MAGI2: variants seen among roughly 807,000 people sequenced by gnomAD.
MAGI2 encodes the protein membrane associated guanylate kinase, WW and PDZ domain containing 2.
In MAGI2, 35 loss-of-function variants were observed where a neutral mutation model predicts 133.3. The observed-to-expected ratio is 0.26, with a 90% CI of 0.20 to 0.35. The LOEUF (loss-of-function observed/expected upper bound fraction) is 0.35, where lower values mean the gene tolerates loss of function less well. Ranked by LOEUF, MAGI2 falls within the 10% of genes least tolerant of loss-of-function variation. The pLI is 1.00. For synonymous variants in MAGI2, 729 were observed against 710.6 expected, an observed-to-expected ratio of 1.03 and a Z score of -0.41; for missense variants, 1,636 against 1,863.4, an observed-to-expected ratio of 0.88 and a Z score of 2.25.
intron 6 of MAGI2, among the ~76,000 whole-genome samples, chr7:78,457,228 A>C (rs1789414409): frequency 6.6e-6 from 1 of 152,242 alleles, no homozygotes; most frequent in African/African-American, 2.4e-5. Flanking sequence ...TCACAGTGTC[A>C]AACTCAATCC....
intron 1 of MAGI2, among the ~76,000 whole-genome samples, chr7:79,237,258 G>A (rs1832001830): frequency 6.6e-6 from 1 of 152,186 alleles, no homozygotes; most frequent in Non-Finnish European, 1.5e-5. Context: ...CACTTTGGGA[G>A]GCCGAGGCGG....
chr7:79,203,161 G>T (rs959216488), intron 1 of MAGI2, among the ~76,000 whole-genome samples: 1 of 151,922 alleles, frequency 6.6e-6, no homozygotes, highest in Non-Finnish European at 1.5e-5. Context: ...CCTCTCCAGT[G>T]ATACTAACAC....
At chr7:78,387,753 C>T (rs1224082868) in intron 6 of MAGI2, among the ~76,000 whole-genome samples, 1 of 151,978 alleles carries the variant, frequency 6.6e-6, no homozygotes, top group Admixed American at 6.6e-5. Context: ...ATGGTGAAAC[C>T]CCATCTCTAT....
At chr7:78,666,799 G>C (rs774489767) in intron 2 of MAGI2, among the ~76,000 whole-genome samples, 1 of 152,160 alleles carries the variant, frequency 6.6e-6, no homozygotes. Flanking sequence ...CAAAGGTAGC[G>C]AATGCTTTGC....
intron 2 of MAGI2, among the ~76,000 whole-genome samples, chr7:78,919,065 G>T (rs6948798): frequency 0.12 from 18,637 of 152,076 alleles, 2,633 homozygotes; most frequent in African/African-American, 0.33. Context: ...AATTGGACAG[G>T]TTAAATAATT....
At chr7:79,170,773 G>C (rs1585107829) in intron 1 of MAGI2, among the ~76,000 whole-genome samples, 1 of 152,180 alleles carries the variant, frequency 6.6e-6, no homozygotes, top group East Asian at 1.9e-4. Flanking sequence ...CAGCAGGTCA[G>C]CTGGGATAAG....
intron 20 of MAGI2, among the ~76,000 whole-genome samples, chr7:78,110,958 G>A (rs774675681): frequency 3.4e-4 from 52 of 152,168 alleles, no homozygotes; most frequent in Non-Finnish European, 6.6e-4. Context: ...AATCCTGTGT[G>A]AATCATGATC....
intron 4 of MAGI2, among the ~76,000 whole-genome samples, chr7:78,509,083 C>T: frequency 6.6e-6 from 1 of 151,944 alleles, no homozygotes; most frequent in Non-Finnish European, 1.5e-5. Flanking sequence ...TTTGTGCATT[C>T]CCCATTGCGT....
At chr7:78,312,441 G>A (rs771086886) in intron 9 of MAGI2, among the ~76,000 whole-genome samples, 1 of 151,952 alleles carries the variant, frequency 6.6e-6, no homozygotes, top group African/African-American at 2.4e-5. Context: ...TAATCAACAG[G>A]CAATATATAG....
At chr7:78,776,539 C>T (rs1419000458) in intron 2 of MAGI2, among the ~76,000 whole-genome samples, 1 of 152,198 alleles carries the variant, frequency 6.6e-6, no homozygotes, top group Non-Finnish European at 1.5e-5. Flanking sequence ...ATTATATCTG[C>T]TTTACCTATA....
At chr7:79,334,062 G>A (rs118115958) in intron 1 of MAGI2, among the ~76,000 whole-genome samples, 251 of 152,224 alleles carry the variant, frequency 1.6e-3, no homozygotes, top group Non-Finnish European at 2.9e-3. Flanking sequence ...CAACCCATCC[G>A]TGTCATCTCT....
chr7:78,655,715 C>T (rs1812168445), intron 2 of MAGI2, among the ~76,000 whole-genome samples: 1 of 152,088 alleles, frequency 6.6e-6, no homozygotes, highest in African/African-American at 2.4e-5. Context: ...GGCGCAGTGG[C>T]TCACGCCTGT....
intron 1 of MAGI2, among the ~76,000 whole-genome samples, chr7:79,290,145 T>C (rs936846061): frequency 1.1e-4 from 16 of 152,024 alleles, no homozygotes; most frequent in Admixed American, 9.2e-4. Context: ...TCAACAAATG[T>C]GTTTAGTGAC....
chr7:78,038,405 TTTTTAATTAA>T (rs67213486), intron 21 of MAGI2, among the ~76,000 whole-genome samples: 88,780 of 151,516 alleles, frequency 0.59, 27,189 homozygotes, highest in African/African-American at 0.78. Context: ...GATGTTTTAC[TTTTTAATTAA>T]CTTTAATTTT....
chr7:79,307,229 T>C (rs1837898537), intron 1 of MAGI2, among the ~76,000 whole-genome samples: 1 of 152,180 alleles, frequency 6.6e-6, no homozygotes, highest in Admixed American at 6.6e-5. Flanking sequence ...GAATGCTTTA[T>C]TAGCCATTGT....
At chr7:79,261,989 G>A (rs972023322) in intron 1 of MAGI2, among the ~76,000 whole-genome samples, 1 of 152,076 alleles carries the variant, frequency 6.6e-6, no homozygotes, top group African/African-American at 2.4e-5. Flanking sequence ...TACTTAACTT[G>A]CAAATATAGT....
chr7:79,088,748 T>C (rs1390522354), intron 1 of MAGI2, among the ~76,000 whole-genome samples: 1 of 152,118 alleles, frequency 6.6e-6, no homozygotes, highest in Non-Finnish European at 1.5e-5. Context: ...GAAGGCCTTT[T>C]CTGCATGTAT....
Position 79,063,414 on chromosome 7 carries a change from A to C in MAGI2, c.302-56208T>G, listed in dbSNP as rs554070990. ...TTATGTCAAAAGGATTACATTACAAAGTGTAAATCACTCTGGTATCCATGG... is the reference window on the plus strand; with the variant it reads ...TTATGTCAAAAGGATTACATTACAACGTGTAAATCACTCTGGTATCCATGG... On this transcript the variant is annotated intron_variant, in intron 1 of 21. Coordinates refer to ENST00000354212, the MANE Select transcript of MAGI2 (RefSeq NM_012301.4). Among the ~76,000 whole-genome samples the C allele has an allele frequency of 2.2e-3, 342 of 152,238 alleles. 2 individuals carry two copies. Among genetic ancestry groups the C allele is most frequent in the Non-Finnish European group, 3.5e-3 (237 of 68,004 alleles).
At chr7:78,572,272 G>C (rs577415348) in intron 3 of MAGI2, among the ~76,000 whole-genome samples, 16 of 152,102 alleles carry the variant, frequency 1.1e-4, no homozygotes, top group Admixed American at 8.5e-4. Flanking sequence ...AGGAAATCAG[G>C]GTTTGTGATA....
Sources: allele counts gnomAD v4.1 joint callset (sites outside exome capture counted in the v4.1 genomes callset), GRCh38; gene constraint gnomAD v4.1.1; transcripts MANE v1.5; gene names NCBI Gene and HGNC (gene_info 2026-07-23, HGNC 2026-07-21).